The following NR3C2 variants were observed in gnomAD, a reference collection of about 807,000 sequenced individuals.
NR3C2 encodes mineralocorticoid receptor.
Under a neutral mutation model 86.4 loss-of-function variants are expected in NR3C2, and 15 were observed. The ratio of observed to expected loss-of-function variants is 0.17; its 90% CI spans 0.12 to 0.27. NR3C2 has a LOEUF of 0.27. Ranked by LOEUF, NR3C2 falls within the 10% of genes least tolerant of loss-of-function variation. The pLI is 1.00. For synonymous variants in NR3C2, 458 were observed against 450.5 expected (o/e 1.02, Z -0.21); for missense variants, 960 against 1,195.6 (o/e 0.80, Z 2.91).
intron 2 of NR3C2, among the ~76,000 whole-genome samples, chr4:148,262,503 C>T (rs1740172123): frequency 1.3e-5 from 2 of 152,128 alleles, no homozygotes; most frequent in South Asian, 2.1e-4. Flanking sequence ...GCAGATCTTT[C>T]CCTGCCTCCA....
At chr4:148,187,934 G>A (rs994488184) in intron 4 of NR3C2, among the ~76,000 whole-genome samples, 4 of 152,028 alleles carry the variant, frequency 2.6e-5, no homozygotes, top group Non-Finnish European at 4.4e-5. Flanking sequence ...ATTCTCCTAC[G>A]TGTGGCCAGG....
At chr4:148,148,835 TGA>T (rs1222679834) in intron 6 of NR3C2, among the ~76,000 whole-genome samples, 2 of 152,360 alleles carry the variant, frequency 1.3e-5, no homozygotes, top group African/African-American at 4.8e-5. Flanking sequence ...GTATGTTCTA[TGA>T]GAGAGGGATT....
intron 2 of NR3C2, among the ~76,000 whole-genome samples, chr4:148,378,976 T>A (rs923003974): frequency 5.9e-5 from 9 of 152,078 alleles, no homozygotes; most frequent in African/African-American, 2.2e-4. Context: ...GAAAACAAAT[T>A]CACTAAGTCA....
At chr4:148,273,141 T>C (rs1247093447) in intron 2 of NR3C2, among the ~76,000 whole-genome samples, 1 of 152,150 alleles carries the variant, frequency 6.6e-6, no homozygotes, top group East Asian at 1.9e-4. Context: ...ATACCTAAAG[T>C]CAGATGGATG....
At chr4:148,277,141 G>A (rs1741000016) in intron 2 of NR3C2, among the ~76,000 whole-genome samples, 5 of 152,068 alleles carry the variant, frequency 3.3e-5, no homozygotes, top group Admixed American at 3.3e-4. Flanking sequence ...ACTGAAGATC[G>A]AGATCATCTT....
At chr4:148,209,473 T>A (rs1319070713) in intron 3 of NR3C2, among the ~76,000 whole-genome samples, 1 of 151,918 alleles carries the variant, frequency 6.6e-6, no homozygotes, top group Non-Finnish European at 1.5e-5. Flanking sequence ...GCGGGGTGGG[T>A]GGGAGGTAGA....
intron 6 of NR3C2, among the ~76,000 whole-genome samples, chr4:148,135,689 CA>C (rs909414975): frequency 9.1e-5 from 4 of 44,120 alleles, no homozygotes; most frequent in Admixed American, 2.9e-4. Context: ...GATGGAGCTG[CA>C]AAAAAAAAGT....
intron 6 of NR3C2, among the ~76,000 whole-genome samples, chr4:148,143,567 A>C (rs2149755752): frequency 6.6e-6 from 1 of 152,354 alleles, no homozygotes; most frequent in East Asian, 1.9e-4. Context: ...ATATCTGCCA[A>C]ATGAAAGGAC....
chr4:148,318,096 A>C (rs936601071), intron 2 of NR3C2, among the ~76,000 whole-genome samples: 4 of 145,962 alleles, frequency 2.7e-5, no homozygotes, highest in Admixed American at 7.2e-5. Context: ...TTACTGTTCA[A>C]TTCCCACCTA....
intron 2 of NR3C2, among the ~76,000 whole-genome samples, chr4:148,314,577 G>A (rs529293093): frequency 2.0e-5 from 3 of 152,132 alleles, no homozygotes; most frequent in East Asian, 1.9e-4. Context: ...AACTGCATGC[G>A]TGTCCATATT....
intron 4 of NR3C2, among the ~76,000 whole-genome samples, chr4:148,171,668 G>A (rs1578969234): frequency 1.3e-5 from 2 of 152,234 alleles, no homozygotes; most frequent in East Asian, 3.8e-4. Flanking sequence ...ACCTCCTGCT[G>A]TGCGGCCCAG....
At chr4:148,426,950 TTTTTC>T (rs1749566621) in intron 2 of NR3C2, among the ~76,000 whole-genome samples, 1 of 151,410 alleles carries the variant, frequency 6.6e-6, no homozygotes. Context: ...TCTTCATTTC[TTTTTC>T]TTTTTCTTTT....
At chr4:148,274,286 T>C (rs1320678798) in intron 2 of NR3C2, among the ~76,000 whole-genome samples, 2 of 152,142 alleles carry the variant, frequency 1.3e-5, no homozygotes, top group African/African-American at 2.4e-5. Context: ...CAGGTGTATA[T>C]AGGTTTAGTC....
chr4:148,088,369 A>G (rs555068939), intron 8 of NR3C2, among the ~76,000 whole-genome samples: 17 of 152,346 alleles, frequency 1.1e-4, no homozygotes, highest in Admixed American at 9.1e-4. Flanking sequence ...TACTGGGTAT[A>G]TACCCAAAGG....
At position 148,256,644 on chromosome 4, in the gene NR3C2, C is replaced by T. The variant is rs116523029; in HGVS notation, c.1897+3334G>A. Among the ~76,000 whole-genome samples, 927 of 152,244 alleles carry T rather than the reference C, an allele frequency of 6.1e-3. 6 individuals are homozygous for T. The highest frequency in any genetic ancestry group is 0.021 in the African/African-American group (882 of 41,534). On this transcript the variant is annotated intron_variant, in intron 3 of 8. Transcript: ENST00000358102. ...TTTCTGACCCTTGAAGCCAGTCTAG[C>T]TTCCACCACAAGGGAGAACCCTTTT...
At chr4:148,276,730 T>C (rs1417950461) in intron 2 of NR3C2, among the ~76,000 whole-genome samples, 7 of 152,166 alleles carry the variant, frequency 4.6e-5, no homozygotes, top group African/African-American at 1.7e-4. Context: ...ATCATTCAAA[T>C]GTGTACTACA....
At chr4:148,387,075 C>T (rs1053776336) in intron 2 of NR3C2, among the ~76,000 whole-genome samples, 1 of 152,198 alleles carries the variant, frequency 6.6e-6, no homozygotes. Context: ...AAGAAACCTA[C>T]TTCTGGTCAA....
intron 2 of NR3C2, among the ~76,000 whole-genome samples, chr4:148,404,344 CAT>C (rs1287988031): frequency 2.6e-5 from 4 of 152,042 alleles, no homozygotes; most frequent in East Asian, 1.9e-4. Flanking sequence ...TGAATTATGA[CAT>C]GTGGAACAAA....
chr4:148,397,293 T>C (rs1280545017), intron 2 of NR3C2, among the ~76,000 whole-genome samples: 1 of 152,246 alleles, frequency 6.6e-6, no homozygotes, highest in East Asian at 1.9e-4. Context: ...GGGTGAGCCA[T>C]GGGCTTTCAT....
Sources: gnomAD v4.1 joint callset for allele counts (sites outside exome capture counted in the v4.1 genomes callset) on GRCh38, gnomAD v4.1.1 for gene constraint, MANE v1.5 for transcripts, NCBI Gene and HGNC (gene_info 2026-07-23, HGNC 2026-07-21) for gene names.